MYH15: variants seen among roughly 807,000 people sequenced by gnomAD.
MYH15 encodes myosin-15.
In MYH15, 227 loss-of-function variants were observed where a neutral mutation model predicts 240.5. The observed-to-expected ratio is 0.94, with a 90% CI of 0.85 to 1.05. The LOEUF is 1.05. MYH15 is among the 50% of genes least tolerant of loss of function. MYH15 has a pLI of 0.00. For missense variants in MYH15, 2,217 were observed against 2,247.5 expected, an observed-to-expected ratio of 0.99 and a Z score of 0.27; for synonymous variants, 785 against 796.7, an observed-to-expected ratio of 0.99 and a Z score of 0.25.
chr3:108,523,871 C>T (rs922845602), intron 1 of MYH15, among the ~76,000 whole-genome samples: 1 of 151,862 alleles, frequency 6.6e-6, no homozygotes, highest in African/African-American at 2.4e-5. Context: ...GAAAATCTGC[C>T]AAATCAACTG....
upstream of MYH15, among the ~76,000 whole-genome samples, chr3:108,515,191 A>G (rs919064625): frequency 6.6e-6 from 1 of 152,146 alleles, no homozygotes; most frequent in African/African-American, 2.4e-5. Context: ...AGAGACAATC[A>G]GGGTATCCCC....
chr3:108,476,285 T>C (rs2083219486), intron 12 of MYH15, 112 bp downstream of exon 12: 1 of 646,128 alleles, frequency 1.5e-6, no homozygotes, highest in Non-Finnish European at 2.6e-6. Context: ...TGCTTATTTA[T>C]AGAAGCTTTC....
In MYH15 at chr3:108,399,188, G is replaced by A; in HGVS notation, c.4816C>T (p.Leu1606=). The A allele has an allele frequency of 6.2e-7, 1 of 1,614,166 alleles. No individual in the cohort carries two copies. Among genetic ancestry groups the A allele is most frequent in the Non-Finnish European group, 8.5e-7 (1 of 1,180,008 alleles). Residue 1606 remains leucine (L), a synonymous_variant, in exon 34 of 41, where the codon CTG becomes TTG. Transcript: ENST00000693548. ...AGGTCCTCTTCCATCTTCTTCTTCA[G>A]CCGGGTAACCTCAATTCTGCTCTTA... The part of the protein sequence containing the change: ...EAKSRIEVTR[L]KKKMEEDLNE...
rs12638212 is a variant in MYH15, at chr3:108,441,130, G to A, written c.2786C>T (p.Thr929Ile). ...ATCTTCGAGTTTCCGCCCCCTGGCA[G>A]TCAGCTCAGAATTTATCTCCTCTTC... ...EEEEEINSEL[T>I]ARGRKLEDEC... Residue 929 changes from threonine to isoleucine, a missense_variant, in exon 23 of 41, where the codon ACT (threonine) becomes ATT (isoleucine). Physicochemically the swap from Thr to Ile is moderately conservative, Grantham distance 89 (BLOSUM62 -1). Coordinates refer to ENST00000693548, the MANE Select transcript of MYH15 (RefSeq NM_014981.3). 124,088 of 1,614,032 alleles carry A rather than the reference G, an allele frequency of 0.077. 12,456 individuals carry two copies. The highest frequency in any genetic ancestry group is 0.57 in the East Asian group (25,599 of 44,854).
chr3:108,498,894 T>C lies in MYH15; in HGVS notation c.524+561A>G, dbSNP rs147813103. On this transcript the variant is annotated intron_variant, in intron 5 of 40. Coordinates refer to ENST00000693548, the MANE Select transcript of MYH15 (RefSeq NM_014981.3). ...ACAGCCCCTTGAGTCTCAGCCACCA[T>C]GCTGACACTTTACCTGGCCAGCCAG... Among the ~76,000 whole-genome samples the C allele has an allele frequency of 4.2e-3, 639 of 152,368 alleles. 13 individuals are homozygous for C. Among genetic ancestry groups the C allele is most frequent in the East Asian group, 0.034 (176 of 5,184 alleles).
intron 29 of MYH15, 24 bp from the exon 30 acceptor site, chr3:108,414,452 A>C: frequency 1.3e-6 from 2 of 1,593,734 alleles, no homozygotes; most frequent in Non-Finnish European, 1.7e-6. Context: ...ACATTAACAA[A>C]AAGGTCATGA....
chr3:108,484,120 A>T (rs936696728), intron 11 of MYH15, among the ~76,000 whole-genome samples: 5 of 152,220 alleles, frequency 3.3e-5, no homozygotes, highest in African/African-American at 7.2e-5. Flanking sequence ...TATAAAATTT[A>T]AAAAAGTAGT....
chr3:108,455,612 T>G, intron 20 of MYH15, 124 bp downstream of exon 20: 1 of 1,113,754 alleles, frequency 9.0e-7, no homozygotes, highest in Non-Finnish European at 1.3e-6. Context: ...CTAAGATCTG[T>G]TTGTGATATT....
chr3:108,515,608 C>T (rs1356570953), intron 1 of MYH15, among the ~76,000 whole-genome samples: 1 of 152,160 alleles, frequency 6.6e-6, no homozygotes, highest in Non-Finnish European at 1.5e-5. Flanking sequence ...CAGTCTCTGT[C>T]CCAACAAAGT....
intron 25 of MYH15, among the ~76,000 whole-genome samples, chr3:108,432,462 G>C (rs1162174202): frequency 1.3e-5 from 2 of 152,188 alleles, no homozygotes; most frequent in East Asian, 3.9e-4. Flanking sequence ...AAAAATTCAA[G>C]CCAGCTGCAG....
At chr3:108,507,526 T>A (rs775400084) in intron 1 of MYH15, among the ~76,000 whole-genome samples, 2 of 152,124 alleles carry the variant, frequency 1.3e-5, no homozygotes, top group Non-Finnish European at 2.9e-5. Context: ...TGGTCCTTAT[T>A]TCCCAGAGGA....
chr3:108,400,569 G>C lies in MYH15; in HGVS notation c.4737-1302C>G, dbSNP rs560546595. 5.9e-5 allele frequency among the ~76,000 whole-genome samples: 9 copies of C among 152,306 alleles called. 1 individual carries two copies. The South Asian group carries it at 1.9e-3, about 32-fold the overall frequency. On this transcript the variant is annotated intron_variant, in intron 33 of 40. Transcript: ENST00000693548. ...AGGCCGGGCGCAGTGGCTCACACCT[G>C]TAATCCCAGCACTTTGGGAGGCCGA...
chr3:108,470,615 G>A lies in MYH15; in HGVS notation c.1383+83C>T, dbSNP rs2083164234. The A allele has an allele frequency of 6.2e-6, 9 of 1,450,072 alleles. No individual in the cohort carries two copies. In the South Asian group the frequency reaches 1.2e-4, roughly 19 times the overall value. The allele number at this position is 1,450,072 out of a possible 1,614,324, so 89.8% of individuals were successfully genotyped here. The stretch of plus-strand genomic sequence containing the variant: ...TTGCATAGAATGATCCCCATGCTTT[G>A]ACCATATTTTCCCATCTTCAAGTAA... On this transcript the variant is annotated intron_variant, in intron 13 of 40. Coordinates refer to ENST00000693548, the MANE Select transcript of MYH15 (RefSeq NM_014981.3).
At position 108,468,869 on chromosome 3, in the gene MYH15, A is replaced by T. The variant is rs116083709; in HGVS notation, c.1554+1173T>A. On this transcript the variant is annotated intron_variant, in intron 14 of 40. Coordinates refer to ENST00000693548, the MANE Select transcript of MYH15 (RefSeq NM_014981.3). Reference sequence around the variant, plus strand: ...TTATAGGTGACAATCGCCAGAAGATAAATCTGTTCCTCTGAGGACCTCCAG... The same window carrying T: ...TTATAGGTGACAATCGCCAGAAGATTAATCTGTTCCTCTGAGGACCTCCAG... Among the ~76,000 whole-genome samples the T allele has an allele frequency of 3.8e-3, 572 of 152,340 alleles. 4 individuals are homozygous for T. The highest frequency in any genetic ancestry group is 6.1e-3 in the Non-Finnish European group (418 of 68,028).
At chr3:108,505,662 T>C (rs2083470174) in intron 2 of MYH15, 61 bp downstream of exon 2, 1 of 897,126 alleles carries the variant, frequency 1.1e-6, no homozygotes, top group Admixed American at 2.5e-5. Context: ...ATAGAAATAA[T>C]ATATTTAGTT....
intron 16 of MYH15, among the ~76,000 whole-genome samples, chr3:108,462,706 G>T (rs2107582084): frequency 6.6e-6 from 1 of 152,188 alleles, no homozygotes; most frequent in Middle Eastern, 3.4e-3. Flanking sequence ...CCCTCGTGAA[G>T]CTTCTAATAA....
chr3:108,514,335 G>A (rs2083544190), upstream of MYH15, among the ~76,000 whole-genome samples: 1 of 152,118 alleles, frequency 6.6e-6, no homozygotes. Flanking sequence ...TCACAATTTT[G>A]GAAATTAGCT....
chr3:108,500,256 A>C lies in MYH15; in HGVS notation c.358T>G (p.Cys120Gly), dbSNP rs1430095884. The stretch of plus-strand genomic sequence containing the variant: ...CATTTGTAAGGGTTTATGGTCACAC[A>C]GAAGAGACCTGAATATGTCTGAGGG... ...WMIYTYSGLFCVTINPYKWLP... is the reference protein window; with the variant it reads ...WMIYTYSGLFGVTINPYKWLP... The change falls in exon 4 of 41, where the codon TGT becomes GGT. Residue 120 changes from cysteine to glycine, a missense_variant. Transcript: ENST00000693548. The C allele has an allele frequency of 3.1e-6, 5 of 1,613,276 alleles. No homozygotes were observed. Among genetic ancestry groups the C allele is most frequent in the East Asian group, 4.5e-5 (2 of 44,888 alleles).
chr3:108,474,428 G>A lies in MYH15; in HGVS notation c.1233+1969C>T, dbSNP rs72941710. On this transcript the variant is annotated intron_variant, in intron 12 of 40. Coordinates refer to ENST00000693548, the MANE Select transcript of MYH15 (RefSeq NM_014981.3). ...CACAATATTAGAGAGCTGAAGACTT[G>A]TTCTCAGCCCTCCTAGGGGCTCCTT... Among the ~76,000 whole-genome samples the A allele has an allele frequency of 3.2e-3, 473 of 149,950 alleles. 2 individuals carry two copies. Among genetic ancestry groups the A allele is most frequent in the African/African-American group, 0.011 (429 of 40,810 alleles).
Sources: gnomAD v4.1 joint callset for allele counts (sites outside exome capture counted in the v4.1 genomes callset) on GRCh38, gnomAD v4.1.1 for gene constraint, MANE v1.5 for transcripts, NCBI Gene and HGNC (gene_info 2026-07-23, HGNC 2026-07-21) for gene names.